GRID2: variants seen among roughly 807,000 people sequenced by gnomAD.
GRID2 encodes the protein glutamate ionotropic receptor delta type subunit 2, also known as glutamate receptor ionotropic, delta-2.
In GRID2, 33 loss-of-function variants were observed where a neutral mutation model predicts 114.8. The ratio of observed to expected loss-of-function variants is 0.29; its 90% CI spans 0.22 to 0.38. GRID2 has a LOEUF of 0.38. GRID2 is among the 10% of genes least tolerant of loss of function. The pLI, the probability that GRID2 is intolerant of heterozygous loss-of-function variation, is 1.00. For synonymous variants in GRID2, 505 were observed against 449.9 expected, an observed-to-expected ratio of 1.12 and a Z score of -1.55; for missense variants, 1,184 against 1,257.7, an observed-to-expected ratio of 0.94 and a Z score of 0.89.
intron 2 of GRID2, among the ~76,000 whole-genome samples, chr4:92,903,776 C>T (rs1747753538): frequency 6.6e-6 from 1 of 151,848 alleles, no homozygotes; most frequent in Non-Finnish European, 1.5e-5. Flanking sequence ...TACACAGAAA[C>T]AAGTAGTTGC....
intron 2 of GRID2, among the ~76,000 whole-genome samples, chr4:92,825,437 A>G (rs1741628388): frequency 6.6e-6 from 1 of 152,154 alleles, no homozygotes; most frequent in Non-Finnish European, 1.5e-5. Flanking sequence ...ATGCTGAGAC[A>G]TTGATTCTTC....
At chr4:92,529,689 A>T (rs1002194595) in intron 1 of GRID2, among the ~76,000 whole-genome samples, 2 of 152,076 alleles carry the variant, frequency 1.3e-5, no homozygotes, top group African/African-American at 4.8e-5. Flanking sequence ...TGAGAAGATA[A>T]TGAGGTGTTA....
At chr4:93,658,758 C>A (rs1723232973) in intron 14 of GRID2, among the ~76,000 whole-genome samples, 1 of 151,984 alleles carries the variant, frequency 6.6e-6, no homozygotes, top group African/African-American at 2.4e-5. Context: ...TAGTTTTGCC[C>A]CCATTATTAG....
intron 12 of GRID2, among the ~76,000 whole-genome samples, chr4:93,510,601 G>A (rs1560697234): frequency 6.6e-6 from 1 of 152,104 alleles, no homozygotes; most frequent in Non-Finnish European, 1.5e-5. Flanking sequence ...GTATCATAGA[G>A]TCACACAATC....
At chr4:93,260,416 TAAC>T (rs989265956) in intron 8 of GRID2, among the ~76,000 whole-genome samples, 5 of 151,052 alleles carry the variant, frequency 3.3e-5, no homozygotes, top group African/African-American at 9.7e-5. Context: ...AATATTAAAA[TAAC>T]AAGATAAATA....
intron 14 of GRID2, among the ~76,000 whole-genome samples, chr4:93,764,788 C>G (rs1733501920): frequency 6.6e-6 from 1 of 152,138 alleles, no homozygotes; most frequent in Admixed American, 6.6e-5. Flanking sequence ...TAACAATAAC[C>G]ACAGTAACTC....
chr4:93,287,887 A>G (rs1433097050), intron 8 of GRID2, among the ~76,000 whole-genome samples: 2 of 152,190 alleles, frequency 1.3e-5, no homozygotes, highest in African/African-American at 2.4e-5. Context: ...TATTATTAGC[A>G]TAAAAGCTCA....
Position 93,117,295 on chromosome 4 carries a change from A to T in GRID2, c.735+6342A>T, listed in dbSNP as rs1384256991. Among the ~76,000 whole-genome samples the T allele has an allele frequency of 7.2e-5, 11 of 151,838 alleles. No individual in the cohort carries two copies. The East Asian group carries it at 2.1e-3, about 29-fold the overall frequency. On this transcript the variant is annotated intron_variant, in intron 4 of 15. Transcript: ENST00000282020. ...ATTAGTTGCCCCAATTCACCTAGAA[A>T]ATTCACCTATTTATTTAGAAGAGAA...
chr4:93,154,210 G>C (rs1453551820), intron 4 of GRID2, among the ~76,000 whole-genome samples: 1 of 152,002 alleles, frequency 6.6e-6, no homozygotes, highest in Non-Finnish European at 1.5e-5. Context: ...CTATGCACCA[G>C]CATTGCTTAC....
At chr4:92,430,281 A>G (rs910037926) in intron 1 of GRID2, among the ~76,000 whole-genome samples, 1 of 152,026 alleles carries the variant, frequency 6.6e-6, no homozygotes, top group Non-Finnish European at 1.5e-5. Context: ...TTATTTTTGT[A>G]TGTGGTGAGA....
intron 9 of GRID2, among the ~76,000 whole-genome samples, chr4:93,409,822 T>C (rs897015198): frequency 6.6e-6 from 1 of 152,204 alleles, no homozygotes; most frequent in Admixed American, 6.5e-5. Context: ...ACTTCAAACT[T>C]TTTTCCTCTT....
At chr4:93,581,611 G>A (rs1311074024) in intron 13 of GRID2, among the ~76,000 whole-genome samples, 2 of 152,140 alleles carry the variant, frequency 1.3e-5, no homozygotes, top group Non-Finnish European at 2.9e-5. Flanking sequence ...ATGTACAGAT[G>A]AGAAAATTGA....
intron 13 of GRID2, among the ~76,000 whole-genome samples, chr4:93,597,527 A>C (rs1467645320): frequency 6.6e-6 from 1 of 152,158 alleles, no homozygotes; most frequent in Admixed American, 6.5e-5. Flanking sequence ...AATGAATTTT[A>C]ATGCTCTCCT....
At chr4:92,882,371 A>G (rs538631976) in intron 2 of GRID2, among the ~76,000 whole-genome samples, 1 of 152,342 alleles carries the variant, frequency 6.6e-6, no homozygotes, top group East Asian at 1.9e-4. Flanking sequence ...TGTTTTGTAC[A>G]GAAAGCATAT....
intron 1 of GRID2, among the ~76,000 whole-genome samples, chr4:92,578,852 C>T (rs1728037312): frequency 6.6e-6 from 1 of 152,112 alleles, no homozygotes; most frequent in Non-Finnish European, 1.5e-5. Flanking sequence ...CAGATTACTT[C>T]ATCATTAGAT....
intron 1 of GRID2, among the ~76,000 whole-genome samples, chr4:92,350,618 T>C (rs932330294): frequency 2.6e-5 from 4 of 151,680 alleles, no homozygotes; most frequent in African/African-American, 7.3e-5. Flanking sequence ...TTCCCTTCTA[T>C]CTTTCTTAAA....
intron 2 of GRID2, among the ~76,000 whole-genome samples, chr4:92,671,427 A>G (rs546230305): frequency 4.6e-4 from 70 of 152,260 alleles, no homozygotes; most frequent in African/African-American, 1.1e-3. Context: ...TGTTAGATTC[A>G]TATTGTATCA....
chr4:93,632,843 C>G (rs1721052555), intron 14 of GRID2, among the ~76,000 whole-genome samples: 1 of 152,082 alleles, frequency 6.6e-6, no homozygotes. Flanking sequence ...TTCTTCCTAC[C>G]CATGAGCATG....
At chr4:92,923,300 T>C (rs1392541155) in intron 2 of GRID2, among the ~76,000 whole-genome samples, 1 of 152,170 alleles carries the variant, frequency 6.6e-6, no homozygotes, top group Non-Finnish European at 1.5e-5. Context: ...ATGCTGATAA[T>C]TGAATATACT....
Sources: gnomAD v4.1 joint callset for allele counts (sites outside exome capture counted in the v4.1 genomes callset) on GRCh38, gnomAD v4.1.1 for gene constraint, MANE v1.5 for transcripts, NCBI Gene and HGNC (gene_info 2026-07-23, HGNC 2026-07-21) for gene names.